The following GULP1 variants were observed in gnomAD, a reference collection of about 807,000 sequenced individuals.
GULP1 encodes the protein GULP PTB domain containing engulfment adaptor 1, also known as PTB domain-containing engulfment adapter protein 1.
GULP1 carries 19 observed loss-of-function variants against 40.9 expected under a neutral mutation model. The observed-to-expected ratio is 0.46, with a 90% CI of 0.32 to 0.68. GULP1 has a LOEUF of 0.68. GULP1 is among the 30% of genes least tolerant of loss of function. The probability of loss-of-function intolerance (pLI) is 0.03; values close to 1 mark genes in which losing one functional copy is unlikely to be tolerated. For missense variants in GULP1, 312 were observed against 362.2 expected, an observed-to-expected ratio of 0.86 and a Z score of 1.12; for synonymous variants, 119 against 117.6, an observed-to-expected ratio of 1.01 and a Z score of -0.08.
At chr2:188,300,003 A>G (rs1331319684) in intron 1 of GULP1, among the ~76,000 whole-genome samples, 2 of 152,238 alleles carry the variant, frequency 1.3e-5, no homozygotes, top group African/African-American at 4.8e-5. Context: ...TAGTAATTAC[A>G]TAAAGGAGTT....
chr2:188,487,122 C>A (rs987206360), intron 4 of GULP1, among the ~76,000 whole-genome samples: 1 of 152,032 alleles, frequency 6.6e-6, no homozygotes, highest in South Asian at 2.1e-4. Context: ...GCTAAACTCT[C>A]TTTTCTATAA....
intron 11 of GULP1, chr2:188,588,930 T>G (rs1229335911): frequency 6.6e-6 from 1 of 152,116 alleles, no homozygotes; most frequent in Non-Finnish European, 1.5e-5. Context: ...GTACATGAAT[T>G]CATTATTGTT....
chr2:188,541,410 A>T, intron 7 of GULP1, 92 bp downstream of exon 7: 2 of 1,034,968 alleles, frequency 1.9e-6, no homozygotes, highest in Non-Finnish European at 3.1e-6. Flanking sequence ...TTGAAAATGA[A>T]TAATTTTCTG....
Position 188,396,973 on chromosome 2 carries a change from G to A in GULP1, c.-45+13084G>A, listed in dbSNP as rs148013241. On this transcript the variant is annotated intron_variant, in intron 2 of 11. Transcript: ENST00000409830. Reference sequence around the variant, plus strand: ...GGGTAAGGCCTTCCCCTGTAGCCTGGATTGCCAGGTTCTGCAGTAGGAGTG... The same window carrying A: ...GGGTAAGGCCTTCCCCTGTAGCCTGAATTGCCAGGTTCTGCAGTAGGAGTG... Among the ~76,000 whole-genome samples, 564 of 152,288 alleles carry A rather than the reference G, an allele frequency of 3.7e-3. 3 individuals are homozygous for A. The highest frequency in any genetic ancestry group is 0.013 in the African/African-American group (533 of 41,550).
chr2:188,425,135 C>A (rs192849069), intron 2 of GULP1, among the ~76,000 whole-genome samples: 1 of 152,130 alleles, frequency 6.6e-6, no homozygotes, highest in Admixed American at 6.5e-5. Context: ...AAAAACATCA[C>A]CACTGCCCAT....
chr2:188,564,615 C>A (rs1226617290), intron 7 of GULP1, among the ~76,000 whole-genome samples: 1 of 151,824 alleles, frequency 6.6e-6, no homozygotes, highest in African/African-American at 2.4e-5. Flanking sequence ...GATTGGAAGG[C>A]TCAGTTTAAT....
At chr2:188,547,547 C>T (rs916865036) in intron 7 of GULP1, among the ~76,000 whole-genome samples, 6 of 152,024 alleles carry the variant, frequency 3.9e-5, no homozygotes, top group Non-Finnish European at 1.5e-5. Flanking sequence ...GGAGGTTAAG[C>T]CAGTCTAGCC....
At chr2:188,467,993 C>T (rs2060264909) in intron 2 of GULP1, among the ~76,000 whole-genome samples, 1 of 152,086 alleles carries the variant, frequency 6.6e-6, no homozygotes, top group African/African-American at 2.4e-5. Context: ...TATTTCCTTA[C>T]TAGAGTCCAT....
chr2:188,474,816 G>C (rs2060876428), intron 2 of GULP1, among the ~76,000 whole-genome samples: 1 of 152,066 alleles, frequency 6.6e-6, no homozygotes, highest in Admixed American at 6.6e-5. Flanking sequence ...CCTCCCAAAA[G>C]TAACAATTTT....
chr2:188,535,494 C>T lies in GULP1; in HGVS notation c.262-5687C>T, dbSNP rs138723610. The stretch of plus-strand genomic sequence containing the variant: ...TTAGGATAATGGCCTCCAGCAGTAT[C>T]CATTTTCTGGAAAGGACATGATTTT... On this transcript the variant is annotated intron_variant, in intron 6 of 11. Transcript: ENST00000409830. Among the ~76,000 whole-genome samples, 334 of 152,124 alleles carry T rather than the reference C, an allele frequency of 2.2e-3. 1 individual carries two copies. Among genetic ancestry groups the T allele is most frequent in the South Asian group, 0.012 (60 of 4,822 alleles).
intron 6 of GULP1, among the ~76,000 whole-genome samples, chr2:188,540,392 T>C (rs1179235397): frequency 1.3e-5 from 2 of 150,900 alleles, no homozygotes; most frequent in African/African-American, 4.9e-5. Context: ...ATTTTTATTT[T>C]AATGATGTAT....
At chr2:188,417,176 T>G (rs1174387722) in intron 2 of GULP1, among the ~76,000 whole-genome samples, 4 of 152,224 alleles carry the variant, frequency 2.6e-5, no homozygotes, top group Non-Finnish European at 5.9e-5. Flanking sequence ...TCATTTATTA[T>G]GACAGGAAGT....
chr2:188,401,229 AT>A (rs1559197409), intron 2 of GULP1, among the ~76,000 whole-genome samples: 1 of 152,134 alleles, frequency 6.6e-6, no homozygotes, highest in Admixed American at 6.6e-5. Context: ...TATAGAAATA[AT>A]TTTTAATAGC....
At chr2:188,441,243 T>C (rs1014591489) in intron 2 of GULP1, among the ~76,000 whole-genome samples, 2 of 152,208 alleles carry the variant, frequency 1.3e-5, no homozygotes, top group African/African-American at 2.4e-5. Flanking sequence ...TTTCCTCTTA[T>C]TTTCAAATCT....
intron 5 of GULP1, among the ~76,000 whole-genome samples, chr2:188,527,386 T>A (rs975119096): frequency 1.3e-5 from 2 of 152,144 alleles, no homozygotes; most frequent in African/African-American, 4.8e-5. Flanking sequence ...TCCAGACGCA[T>A]TCACATAGGG....
intron 1 of GULP1, among the ~76,000 whole-genome samples, chr2:188,370,652 A>C (rs2047479793): frequency 6.6e-6 from 1 of 152,214 alleles, no homozygotes; most frequent in African/African-American, 2.4e-5. Context: ...AGGCTATTTC[A>C]GTTTTAAAAC....
chr2:188,326,928 C>T (rs1288179628), intron 1 of GULP1, among the ~76,000 whole-genome samples: 2 of 152,018 alleles, frequency 1.3e-5, no homozygotes, highest in East Asian at 1.9e-4. Flanking sequence ...TACAAGGCAT[C>T]GGTCTGTGGT....
In GULP1 at chr2:188,354,715, C is replaced by T. The variant is rs978525917; in HGVS notation, c.-171-29048C>T. Among the ~76,000 whole-genome samples the T allele has an allele frequency of 1.2e-4, 19 of 152,148 alleles. 1 individual carries two copies. The highest frequency in any genetic ancestry group is 5.9e-4 in the Admixed American group (9 of 15,278). On this transcript the variant is annotated intron_variant, in intron 1 of 11. Coordinates refer to ENST00000409830, the MANE Select transcript of GULP1 (RefSeq NM_016315.4). ...ATAGGAAGATCTAATACACATTTTCCGACCATTTTATTTAACATATGCAGA... is the reference window on the plus strand; with the variant it reads ...ATAGGAAGATCTAATACACATTTTCTGACCATTTTATTTAACATATGCAGA...
At chr2:188,350,335 G>T (rs990173130) in intron 1 of GULP1, among the ~76,000 whole-genome samples, 68 of 151,902 alleles carry the variant, frequency 4.5e-4, no homozygotes, top group African/African-American at 1.6e-3. Flanking sequence ...ATAAGCCTAG[G>T]GTATATTTGC....
Sources: allele counts gnomAD v4.1 joint callset (sites outside exome capture counted in the v4.1 genomes callset), GRCh38; gene constraint gnomAD v4.1.1; transcripts MANE v1.5; gene names NCBI Gene and HGNC (gene_info 2026-07-23, HGNC 2026-07-21).